MAGEA12: variants seen among roughly 807,000 people sequenced by gnomAD.
MAGEA12 encodes the protein MAGE family member A12, also known as melanoma-associated antigen 12.
For missense variants in MAGEA12, 235 were observed against 240.1 expected (o/e 0.98, Z 0.14); for synonymous variants, 135 against 104.7 (o/e 1.29, Z -1.77).
At chrX:152,735,983 G>C in intron 2 of MAGEA12, 104 bp from the exon 3 acceptor site, 1 of 492,573 alleles carries the variant, frequency 2.0e-6, no homozygotes, top group Non-Finnish European at 3.4e-6. Context: ...CAGAACACAT[G>C]GGACTCCAGA....
rs1556226175 is a variant in MAGEA12, at chrX:152,736,142, C to T, written c.-20C>T. 8.3e-7 allele frequency: 1 copy of T among 1,206,516 alleles called. No homozygotes were observed. Among genetic ancestry groups the T allele is most frequent in the East Asian group, 3.0e-5 (1 of 33,828 alleles). Reference sequence around the variant, plus strand: ...TAGCTCCTGCCCACACTCCTACCTGCTGCCCTGACCAGAGTCATCATGCCA... The same window carrying T: ...TAGCTCCTGCCCACACTCCTACCTGTTGCCCTGACCAGAGTCATCATGCCA... On this transcript the variant is annotated 5_prime_UTR_variant, in exon 3 of 3. Coordinates refer to ENST00000393869, the MANE Select transcript of MAGEA12 (RefSeq NM_001166387.4).
Position 152,737,300 on chromosome X carries a change from G to A in MAGEA12, c.*194G>A. ...ACTTTGAGATTTATCTTTGTTTCCT[G>A]TTGGAATTGTTCAAATGTTCCTTTT... is the stretch of plus-strand genomic sequence containing the variant. On this transcript the variant is annotated 3_prime_UTR_variant, in exon 3 of 3. Coordinates refer to ENST00000393869, the MANE Select transcript of MAGEA12 (RefSeq NM_001166387.4). The A allele has an allele frequency of 1.8e-6, 1 of 543,880 alleles. No homozygotes were observed. Among genetic ancestry groups the A allele is most frequent in the Non-Finnish European group, 3.2e-6 (1 of 308,526 alleles). 44.8% of individuals were successfully genotyped at this position (543,880 alleles called of 1,213,427 possible).
At position 152,737,385 on chromosome X, in the gene MAGEA12, T is replaced by G. The variant is rs1358675856; in HGVS notation, c.*279T>G. The G allele has an allele frequency of 2.2e-6, 1 of 461,834 alleles. No individual in the cohort carries two copies. Among genetic ancestry groups the G allele is most frequent in the East Asian group, 4.5e-5 (1 of 22,004 alleles). 38.1% of individuals were successfully genotyped at this position (461,834 alleles called of 1,213,427 possible). A position where few individuals can be genotyped will look rare whatever the true frequency, so the allele number is the denominator to read the frequency against. ...TATGAATGACAGTAGTCACACATAG[T>G]GCTGTTTATATAGTTTAGGAGTAAG... On this transcript the variant is annotated 3_prime_UTR_variant, in exon 3 of 3. Transcript: ENST00000393869.
intron 2 of MAGEA12, 135 bp from the exon 3 acceptor site, chrX:152,735,952 C>T (rs1932307956): frequency 4.5e-6 from 2 of 446,493 alleles, no homozygotes; most frequent in Non-Finnish European, 7.8e-6. Context: ...CTTGAATGCA[C>T]ACCAAGGGCC....
chrX:152,736,936 C>T lies in MAGEA12; in HGVS notation c.775C>T (p.Arg259Trp). 8.3e-7 allele frequency: 1 copy of T among 1,211,911 alleles called. No individual in the cohort carries two copies. Among genetic ancestry groups the T allele is most frequent in the Non-Finnish European group, 1.1e-6 (1 of 895,552 alleles). The stretch of plus-strand genomic sequence containing the variant: ...GGTGCAGGAAAACTACCTGGAGTAC[C>T]GGCAGGTCCCCGGCAGTGATCCTGC... ...DLVQENYLEY[R>W]QVPGSDPACY... The change falls in exon 3 of 3, where the codon CGG becomes TGG. Residue 259 changes from arginine to tryptophan, a missense_variant. Transcript: ENST00000393869.
rs781895040 is a variant in MAGEA12 at position 152,736,362 on chromosome X, A to G, written c.201A>G (p.Gly67=). The change falls in exon 3 of 3, where the codon GGA becomes GGG. Residue 67 remains glycine, a synonymous_variant. Coordinates refer to ENST00000393869, the MANE Select transcript of MAGEA12 (RefSeq NM_001166387.4). The stretch of plus-strand genomic sequence containing the variant: ...CAAGTCCTCCCCACAGTCCTCAGGG[A>G]GCCTCCACCCTCCCCACTACCATCA... The part of the protein sequence containing the change: ...ESPSPPHSPQ[G]ASTLPTTINY... 8.3e-7 allele frequency: 1 copy of G among 1,208,828 alleles called. No individual in the cohort carries two copies. Among genetic ancestry groups the G allele is most frequent in the Non-Finnish European group, 1.1e-6 (1 of 894,832 alleles).
At position 152,736,968 on chromosome X, in the gene MAGEA12, C is replaced by T. The variant is rs147399924; in HGVS notation, c.807C>T (p.Tyr269=). 2,308 of 1,210,457 alleles carry T rather than the reference C, an allele frequency of 1.9e-3. 3 individuals are homozygous for T. The highest frequency in any genetic ancestry group is 2.4e-3 in the Non-Finnish European group (2,148 of 895,341). The change falls in exon 3 of 3, where the codon TAC becomes TAT. Residue 269 remains tyrosine (Y), a synonymous_variant. Coordinates refer to ENST00000393869, the MANE Select transcript of MAGEA12 (RefSeq NM_001166387.4). ...RQVPGSDPAC[Y]EFLWGPRALV... ...TCCCCGGCAGTGATCCTGCATGCTACGAGTTCCTGTGGGGTCCAAGGGCCC... is the reference window on the plus strand; with the variant it reads ...TCCCCGGCAGTGATCCTGCATGCTATGAGTTCCTGTGGGGTCCAAGGGCCC...
rs1320982009 is a variant in MAGEA12 at position 152,734,470 on chromosome X, A to AG, written c.-182+615dup. Among the ~76,000 whole-genome samples, 3 of 111,097 alleles carry AG rather than the reference A, an allele frequency of 2.7e-5. No individual in the cohort carries two copies. The Admixed American group carries it at 2.8e-4, about 10-fold the overall frequency. On this transcript the variant is annotated intron_variant, in intron 1 of 2. Coordinates refer to ENST00000393869, the MANE Select transcript of MAGEA12 (RefSeq NM_001166387.4). ...CGGAGGGCTCCCAGCATGCCAGGAC[A>AG]GGGGCCCAAAGTACCCCTGTCTCAA...
At position 152,736,276 on chromosome X, in the gene MAGEA12, GCCT is replaced by G; in HGVS notation, c.126_128del (p.Ser43del). The G allele has an allele frequency of 8.3e-7, 1 of 1,211,060 alleles. No homozygotes were observed. The highest frequency in any genetic ancestry group is 1.7e-5 in the African/African-American group (1 of 57,709). On this transcript the variant is annotated inframe_deletion, in exon 3 of 3. Transcript: ENST00000393869. ...TCCTGCTACTGAGGAGCAGGAGACTGCCTCCTCCTCCTCTACTCTAGTGGAAGT... is the reference window on the plus strand; with the variant it reads ...TCCTGCTACTGAGGAGCAGGAGACTGCCTCCTCCTCTACTCTAGTGGAAGT...
rs142900638 is a variant in MAGEA12, at chrX:152,735,215, C to G, written c.-114C>G. 8.4e-6 allele frequency: 1 copy of G among 119,025 alleles called. No individual in the cohort carries two copies. The highest frequency in any genetic ancestry group is 9.3e-5 in the Admixed American group (1 of 10,731). The allele number at this position is 119,025 out of a possible 1,213,427, so 9.8% of individuals were successfully genotyped here. On this transcript the variant is annotated 5_prime_UTR_variant, in exon 2 of 3. Coordinates refer to ENST00000393869, the MANE Select transcript of MAGEA12 (RefSeq NM_001166387.4). ...GTCAACACAGGGGCCCCCATGTAGT[C>G]GACAGACACAGTGGTCCTAAGATCT...
Position 152,737,187 on chromosome X carries a change from C to T in MAGEA12, c.*81C>T, listed in dbSNP as rs1177705358. 1.0e-6 allele frequency: 1 copy of T among 972,843 alleles called. No homozygotes were observed. The highest frequency in any genetic ancestry group is 1.9e-5 in the African/African-American group (1 of 52,638). The allele number at this position is 972,843 out of a possible 1,213,427, so 80.2% of individuals were successfully genotyped here. On this transcript the variant is annotated 3_prime_UTR_variant, in exon 3 of 3. Coordinates refer to ENST00000393869, the MANE Select transcript of MAGEA12 (RefSeq NM_001166387.4). The stretch of plus-strand genomic sequence containing the variant: ...TTCCAAGGCCCCATCCATTAGTTTC[C>T]ACTGCCTCGTGTGACATGAGGCCCA...
chrX:152,736,793 A>G lies in MAGEA12; in HGVS notation c.632A>G (p.Lys211Arg), dbSNP rs376475815. Residue 211 changes from lysine (K) to arginine (R), a missense_variant, in exon 3 of 3, where the codon AAA becomes AGA. Coordinates refer to ENST00000393869, the MANE Select transcript of MAGEA12 (RefSeq NM_001166387.4). ...ATAATCGTCCTGGCCATAATCGCAAAAGAGGGCGACTGTGCCCCTGAGGAG... is the reference window on the plus strand; with the variant it reads ...ATAATCGTCCTGGCCATAATCGCAAGAGAGGGCGACTGTGCCCCTGAGGAG... ...LLIIVLAIIA[K>R]EGDCAPEEKI... The G allele has an allele frequency of 1.2e-5, 15 of 1,210,075 alleles. No individual in the cohort carries two copies. The East Asian group carries it at 3.0e-4, about 24-fold the overall frequency.
chrX:152,736,544 A>G lies in MAGEA12; in HGVS notation c.383A>G (p.Glu128Gly). Reference sequence around the variant, plus strand: ...CTGCTCCTCAAGTATCGAGCCAGGGAGCCATTCACAAAGGCAGAAATGCTG... The same window carrying G: ...CTGCTCCTCAAGTATCGAGCCAGGGGGCCATTCACAAAGGCAGAAATGCTG... Reference protein sequence around the residue: ...HFLLLKYRAREPFTKAEMLGS... With the variant: ...HFLLLKYRARGPFTKAEMLGS... The change falls in exon 3 of 3, where the codon GAG becomes GGG. Residue 128 changes from glutamate (E) to glycine (G), a missense_variant. By Grantham distance (98) the Glu-to-Gly change is moderately conservative. Transcript: ENST00000393869. The G allele has an allele frequency of 8.3e-7, 1 of 1,211,853 alleles. No individual in the cohort carries two copies. Among genetic ancestry groups the G allele is most frequent in the Admixed American group, 2.2e-5 (1 of 46,065 alleles).
rs782696968 is a variant in MAGEA12, at chrX:152,736,837, A to G, written c.676A>G (p.Ser226Gly). Residue 226 changes from serine (S) to glycine (G), a missense_variant, in exon 3 of 3, where the codon AGT (serine) becomes GGT (glycine). Transcript: ENST00000393869. ...TGAGGAGAAAATCTGGGAGGAGCTG[A>G]GTGTGTTGGAGGCATCTGATGGGAG... is the stretch of plus-strand genomic sequence containing the variant. ...APEEKIWEEL[S>G]VLEASDGRED... The G allele has an allele frequency of 6.6e-6, 8 of 1,209,878 alleles. No individual in the cohort carries two copies. The East Asian group carries it at 1.8e-4, about 27-fold the overall frequency.
chrX:152,736,128 C>T lies in MAGEA12; in HGVS notation c.-34C>T. On this transcript the variant is annotated 5_prime_UTR_variant, in exon 3 of 3. Coordinates refer to ENST00000393869, the MANE Select transcript of MAGEA12 (RefSeq NM_001166387.4). ...CCCCGGAGCAGCACTAGCTCCTGCC[C>T]ACACTCCTACCTGCTGCCCTGACCA... 3 of 1,195,877 alleles carry T rather than the reference C, an allele frequency of 2.5e-6. No homozygotes were observed. The highest frequency in any genetic ancestry group is 3.6e-5 in the South Asian group (2 of 54,931).
At position 152,736,275 on chromosome X, in the gene MAGEA12, T is replaced by A; in HGVS notation, c.114T>A (p.Thr38=). ...AQAPATEEQE[T]ASSSSTLVEV... is the part of the protein sequence containing the mutation. ...CTCCTGCTACTGAGGAGCAGGAGAC[T>A]GCCTCCTCCTCCTCTACTCTAGTGG... is the stretch of plus-strand genomic sequence containing the variant. Residue 38 remains threonine, a synonymous_variant, in exon 3 of 3, where the codon ACT becomes ACA. Coordinates refer to ENST00000393869, the MANE Select transcript of MAGEA12 (RefSeq NM_001166387.4). The A allele has an allele frequency of 8.3e-7, 1 of 1,211,179 alleles. No individual in the cohort carries two copies. Among genetic ancestry groups the A allele is most frequent in the Non-Finnish European group, 1.1e-6 (1 of 895,092 alleles).
Position 152,736,421 on chromosome X carries a change from C to T in MAGEA12, c.260C>T (p.Ser87Phe), listed in dbSNP as rs1932325843. 1.7e-6 allele frequency: 2 copies of T among 1,211,717 alleles called. No individual in the cohort carries two copies. The highest frequency in any genetic ancestry group is 3.0e-5 in the East Asian group (1 of 33,826). The stretch of plus-strand genomic sequence containing the variant: ...CTCTGGAGTCAATCCGATGAGGGCT[C>T]CAGCAACGAAGAACAGGAAGGGCCA... Reference protein sequence around the residue: ...YTLWSQSDEGSSNEEQEGPST... With the variant: ...YTLWSQSDEGFSNEEQEGPST... The change falls in exon 3 of 3, where the codon TCC becomes TTC. Residue 87 changes from serine (S) to phenylalanine (F), a missense_variant. By Grantham distance (155) the Ser-to-Phe change is radical (BLOSUM62 -2). Transcript: ENST00000393869.
At chrX:152,735,503 C>G (rs782355166) in intron 2 of MAGEA12, among the ~76,000 whole-genome samples, 4 of 112,068 alleles carry the variant, frequency 3.6e-5, no homozygotes, top group Non-Finnish European at 7.5e-5. Flanking sequence ...CAAGCAGGCT[C>G]GTCACCCAGG....
At position 152,736,212 on chromosome X, in the gene MAGEA12, G is replaced by A. The variant is rs144895871; in HGVS notation, c.51G>A (p.Glu17=). Residue 17 remains glutamate (E), a synonymous_variant, in exon 3 of 3, where the codon GAG becomes GAA. Transcript: ENST00000393869. ...SQHCKPEEGL[E]AQGEALGLVG... Reference sequence around the variant, plus strand: ...ACTGCAAGCCTGAGGAAGGCCTTGAGGCCCAAGGAGAGGCCCTGGGCTTGG... The same window carrying A: ...ACTGCAAGCCTGAGGAAGGCCTTGAAGCCCAAGGAGAGGCCCTGGGCTTGG... 1,738 of 1,210,104 alleles carry A rather than the reference G, an allele frequency of 1.4e-3. 2 individuals are homozygous for A. The highest frequency in any genetic ancestry group is 1.7e-3 in the Non-Finnish European group (1,501 of 895,227).
Sources: allele counts gnomAD v4.1 joint callset (sites outside exome capture counted in the v4.1 genomes callset), GRCh38; gene constraint gnomAD v4.1.1; transcripts MANE v1.5; gene names NCBI Gene and HGNC (gene_info 2026-07-23, HGNC 2026-07-21).